The following GUCY1B1 variants were observed in gnomAD, a reference collection of about 807,000 sequenced individuals.
GUCY1B1 encodes guanylate cyclase 1 soluble subunit beta 1, also known as guanylate cyclase soluble subunit beta-1.
A neutral mutation model predicts 71.0 loss-of-function variants in GUCY1B1; 43 were observed. That is an observed-to-expected ratio of 0.61 (90% CI 0.47 to 0.78). The LOEUF (loss-of-function observed/expected upper bound fraction) is 0.78. GUCY1B1 is among the 30% of genes least tolerant of loss of function. The pLI is 0.00. For synonymous variants in GUCY1B1, 266 were observed against 259.7 expected, an observed-to-expected ratio of 1.02 and a Z score of -0.23; for missense variants, 535 against 754.1, an observed-to-expected ratio of 0.71 and a Z score of 3.40.
rs575159395 is a variant in GUCY1B1, at chr4:155,759,740, C to T, written c.4-47C>T. 7 of 1,434,976 alleles carry T rather than the reference C, an allele frequency of 4.9e-6. No individual in the cohort carries two copies. In the South Asian group the frequency reaches 6.9e-5, roughly 14 times the overall value. 88.9% of individuals were successfully genotyped at this position (1,434,976 alleles called of 1,614,324 possible). ...GCAGCCTCGCCCCCAAGCCGCTTCT[C>T]AGGTACAGCGGGTCCCTGACGCTCA... On this transcript the variant is annotated intron_variant, in intron 1 of 13. Coordinates refer to ENST00000264424, the MANE Select transcript of GUCY1B1 (RefSeq NM_000857.5).
At chr4:155,760,108 C>A (rs531182889) in intron 2 of GUCY1B1, among the ~76,000 whole-genome samples, 1 of 152,146 alleles carries the variant, frequency 6.6e-6, no homozygotes, top group Non-Finnish European at 1.5e-5. Context: ...GGGGTCACCA[C>A]GGCTTCCCGA....
intron 5 of GUCY1B1, among the ~76,000 whole-genome samples, chr4:155,790,567 G>A (rs140718920): frequency 6.6e-6 from 1 of 152,098 alleles, no homozygotes; most frequent in Non-Finnish European, 1.5e-5. Flanking sequence ...TCCCAGTCAG[G>A]CTGCTTTTTA....
intron 4 of GUCY1B1, among the ~76,000 whole-genome samples, chr4:155,778,012 C>T (rs1259455887): frequency 2.6e-5 from 4 of 151,964 alleles, no homozygotes; most frequent in Non-Finnish European, 5.9e-5. Flanking sequence ...TTTCTATTTA[C>T]AAAACATTCC....
intron 4 of GUCY1B1, chr4:155,785,266 G>T (rs545641093): frequency 5.7e-6 from 8 of 1,393,502 alleles, no homozygotes; most frequent in Non-Finnish European, 7.8e-6. Context: ...AAGCCTAGAA[G>T]AATGAATCAA....
intron 4 of GUCY1B1, among the ~76,000 whole-genome samples, chr4:155,788,372 G>T (rs79819758): frequency 6.6e-6 from 1 of 152,142 alleles, no homozygotes; most frequent in East Asian, 1.9e-4. Flanking sequence ...AGAACCAGTC[G>T]CATGGTGTTG....
chr4:155,776,523 A>G (rs1738059439), intron 3 of GUCY1B1, among the ~76,000 whole-genome samples: 1 of 152,088 alleles, frequency 6.6e-6, no homozygotes, highest in African/African-American at 2.4e-5. Flanking sequence ...TACAAAAATT[A>G]TCCAGGTGTG....
At chr4:155,786,640 C>CT (rs1219064434) in intron 4 of GUCY1B1, among the ~76,000 whole-genome samples, 35 of 150,318 alleles carry the variant, frequency 2.3e-4, no homozygotes, top group African/African-American at 7.1e-4. Flanking sequence ...CTGCTAATTT[C>CT]TTTTTTTTTC....
chr4:155,773,662 AAAC>A (rs1182370968), intron 2 of GUCY1B1, among the ~76,000 whole-genome samples: 1 of 152,130 alleles, frequency 6.6e-6, no homozygotes, highest in Non-Finnish European at 1.5e-5. Context: ...CTTAGACCAA[AAAC>A]CTCAGTGTCC....
At chr4:155,771,523 A>G (rs1563805) in intron 2 of GUCY1B1, among the ~76,000 whole-genome samples, 3,514 of 152,338 alleles carry the variant, frequency 0.023, 76 homozygotes, top group South Asian at 0.068. Context: ...TTCCAATTGG[A>G]AGAAACAGAA....
chr4:155,775,096 G>C, intron 3 of GUCY1B1, 28 bp downstream of exon 3: 1 of 1,192,624 alleles, frequency 8.4e-7, no homozygotes, highest in Non-Finnish European at 1.3e-6. Context: ...TTCCTTCTTT[G>C]GCCAAGTTAC....
intron 2 of GUCY1B1, among the ~76,000 whole-genome samples, chr4:155,762,837 A>G (rs1277757874): frequency 6.6e-6 from 1 of 152,210 alleles, no homozygotes; most frequent in African/African-American, 2.4e-5. Context: ...GAAAACGCAA[A>G]CAAACAACCA....
At chr4:155,799,574 T>C (rs1311410558) in intron 8 of GUCY1B1, among the ~76,000 whole-genome samples, 1 of 152,212 alleles carries the variant, frequency 6.6e-6, no homozygotes, top group Non-Finnish European at 1.5e-5. Flanking sequence ...TTACAGCCTG[T>C]GTTAAATACC....
At chr4:155,805,296 A>C (rs1740242957) in intron 13 of GUCY1B1, 67 bp downstream of exon 13, 1 of 1,235,690 alleles carries the variant, frequency 8.1e-7, no homozygotes, top group African/African-American at 1.5e-5. Context: ...CTAAAGCAAA[A>C]TCACTGAAAA....
intron 4 of GUCY1B1, among the ~76,000 whole-genome samples, chr4:155,786,418 CATG>C (rs1215147818): frequency 2.1e-5 from 3 of 145,448 alleles, no homozygotes; most frequent in Non-Finnish European, 4.5e-5. Flanking sequence ...GGACTACAGG[CATG>C]CCCCACCACG....
At chr4:155,760,525 A>C (rs1434537975) in intron 2 of GUCY1B1, among the ~76,000 whole-genome samples, 1 of 135,310 alleles carries the variant, frequency 7.4e-6, no homozygotes, top group African/African-American at 2.8e-5. Flanking sequence ...CTTTGAGCCC[A>C]GTACTGGGGA....
Position 155,775,007 on chromosome 4 carries a change from C to A in GUCY1B1, c.117C>A (p.Val39=). ...AQLDEEGQFL[V]RIIYDDSKTY... is the part of the protein sequence containing the mutation. Reference sequence around the variant, plus strand: ...TAGATGAAGAAGGACAGTTTCTTGTCAGAATAATATATGATGACTCCAAAA... The same window carrying A: ...TAGATGAAGAAGGACAGTTTCTTGTAAGAATAATATATGATGACTCCAAAA... The change falls in exon 3 of 14, where the codon GTC becomes GTA. Residue 39 remains valine (V), a synonymous_variant. Transcript: ENST00000264424. 6.2e-7 allele frequency: 1 copy of A among 1,604,868 alleles called. No individual in the cohort carries two copies. The highest frequency in any genetic ancestry group is 8.5e-7 in the Non-Finnish European group (1 of 1,172,162).
intron 8 of GUCY1B1, among the ~76,000 whole-genome samples, chr4:155,798,518 C>T (rs951369111): frequency 5.9e-5 from 9 of 151,916 alleles, no homozygotes; most frequent in South Asian, 4.2e-4. Flanking sequence ...TAAAAGACAC[C>T]GTGTATTTCA....
intron 2 of GUCY1B1, among the ~76,000 whole-genome samples, chr4:155,767,444 G>A (rs980325793): frequency 3.3e-5 from 5 of 152,064 alleles, no homozygotes; most frequent in Non-Finnish European, 5.9e-5. Flanking sequence ...AGGGTCTCTT[G>A]TGACTCAAAA....
At chr4:155,793,357 G>T (rs192052426) in intron 5 of GUCY1B1, among the ~76,000 whole-genome samples, 1 of 152,150 alleles carries the variant, frequency 6.6e-6, no homozygotes, top group African/African-American at 2.4e-5. Flanking sequence ...GATTACAGGC[G>T]TGAGCCACTG....
Sources: allele counts gnomAD v4.1 joint callset (sites outside exome capture counted in the v4.1 genomes callset), GRCh38; gene constraint gnomAD v4.1.1; transcripts MANE v1.5; gene names NCBI Gene and HGNC (gene_info 2026-07-23, HGNC 2026-07-21).